GALNTL5: variants seen among roughly 807,000 people sequenced by gnomAD.
GALNTL5 encodes polypeptide N-acetylgalactosaminyltransferase like 5, also known as inactive polypeptide N-acetylgalactosaminyltransferase-like protein 5.
Under a neutral mutation model 51.0 loss-of-function variants are expected in GALNTL5, and 44 were observed. The ratio of observed to expected loss-of-function variants is 0.86; its 90% CI spans 0.68 to 1.11. The LOEUF (loss-of-function observed/expected upper bound fraction) is 1.11. Among genes scored for constraint, GALNTL5 ranks in the 50% least tolerant of loss-of-function variants. The probability of loss-of-function intolerance (pLI) is 0.00; values close to 1 mark genes in which losing one functional copy is unlikely to be tolerated. For missense variants in GALNTL5, 528 were observed against 531.8 expected (o/e 0.99, Z 0.07); for synonymous variants, 192 against 182.8 (o/e 1.05, Z -0.41).
At chr7:152,006,525 T>A (rs944754288) in intron 6 of GALNTL5, among the ~76,000 whole-genome samples, 1 of 152,162 alleles carries the variant, frequency 6.6e-6, no homozygotes, top group Non-Finnish European at 1.5e-5. Context: ...ACCCGACCCA[T>A]AAGCAAATCT....
intron 1 of GALNTL5, among the ~76,000 whole-genome samples, chr7:151,958,718 G>A (rs1024993702): frequency 5.3e-5 from 8 of 152,226 alleles, no homozygotes; most frequent in African/African-American, 1.9e-4. Flanking sequence ...GAAGGTTACA[G>A]TGTTACAGCT....
At chr7:152,005,694 G>A (rs1451565449) in intron 6 of GALNTL5, among the ~76,000 whole-genome samples, 2 of 152,038 alleles carry the variant, frequency 1.3e-5, no homozygotes, top group Admixed American at 1.3e-4. Flanking sequence ...TGAGACCCAG[G>A]GGGAAAAAGC....
At chr7:151,961,991 T>G (rs1276829930) in intron 1 of GALNTL5, among the ~76,000 whole-genome samples, 2 of 147,084 alleles carry the variant, frequency 1.4e-5, no homozygotes, top group Non-Finnish European at 3.0e-5. Context: ...CTGTTTCTTA[T>G]GATAGTTACC....
In GALNTL5 at chr7:152,014,693, G is replaced by A; in HGVS notation, c.1076G>A (p.Gly359Glu). ...TTTATAATCCCCTGCTCTCGAGTAGGACATATCAGTAAGAAACAAACTGGA... is the reference window on the plus strand; with the variant it reads ...TTTATAATCCCCTGCTCTCGAGTAGAACATATCAGTAAGAAACAAACTGGA... ...QLFIIPCSRV[G>E]HISKKQTGKP... Residue 359 changes from glycine to glutamate, a missense_variant, in exon 8 of 9, where the codon GGA (glycine) becomes GAA (glutamate). Transcript: ENST00000392800. 6.2e-7 allele frequency: 1 copy of A among 1,613,942 alleles called. No individual in the cohort carries two copies. The highest frequency in any genetic ancestry group is 8.5e-7 in the Non-Finnish European group (1 of 1,179,926).
At chr7:151,957,147 A>G (rs77389650) in intron 1 of GALNTL5, among the ~76,000 whole-genome samples, 2 of 94,292 alleles carry the variant, frequency 2.1e-5, no homozygotes, top group African/African-American at 4.8e-5. Context: ...CTCGAGAAAA[A>G]AAAAAAAAAA....
Position 151,972,906 on chromosome 7 carries a change from C to G in GALNTL5, c.368+1841C>G, listed in dbSNP as rs561660044. On this transcript the variant is annotated intron_variant, in intron 3 of 8. Coordinates refer to ENST00000392800, the MANE Select transcript of GALNTL5 (RefSeq NM_145292.4). Reference sequence around the variant, plus strand: ...GGGATAGAGACACCAAACCTAGTCCCCACTGGGGCAATACCTAGTGGAGCT... The same window carrying G: ...GGGATAGAGACACCAAACCTAGTCCGCACTGGGGCAATACCTAGTGGAGCT... Among the ~76,000 whole-genome samples the G allele has an allele frequency of 2.6e-5, 4 of 152,296 alleles. No homozygotes were observed. The South Asian group carries it at 8.3e-4, about 32-fold the overall frequency.
intron 6 of GALNTL5, among the ~76,000 whole-genome samples, chr7:152,006,860 C>T (rs566563594): frequency 6.6e-6 from 1 of 152,076 alleles, no homozygotes; most frequent in South Asian, 2.1e-4. Context: ...TGCAGCCTCC[C>T]AGGTTCAAGC....
intron 7 of GALNTL5, among the ~76,000 whole-genome samples, chr7:152,011,242 G>A (rs2081734458): frequency 6.6e-6 from 1 of 152,232 alleles, no homozygotes. Flanking sequence ...AGCCTCCAAT[G>A]CTCTGAATTT....
chr7:152,018,658 C>T (rs1445249709), intron 8 of GALNTL5, among the ~76,000 whole-genome samples: 1 of 152,072 alleles, frequency 6.6e-6, no homozygotes, highest in South Asian at 2.1e-4. Flanking sequence ...GGGCTTTGGA[C>T]AGGAAGATGT....
chr7:151,978,861 C>CT (rs1374738050), intron 3 of GALNTL5, among the ~76,000 whole-genome samples: 1 of 152,098 alleles, frequency 6.6e-6, no homozygotes, highest in Non-Finnish European at 1.5e-5. Flanking sequence ...GGATTAGGGC[C>CT]TACCCTAATG....
intron 3 of GALNTL5, among the ~76,000 whole-genome samples, chr7:151,981,982 A>T (rs1181912706): frequency 6.6e-6 from 1 of 151,824 alleles, no homozygotes; most frequent in East Asian, 1.9e-4. Context: ...TAGCTCCAGC[A>T]GATTTCTTTA....
In GALNTL5 at chr7:151,967,219, A is replaced by G. The variant is rs775775961; in HGVS notation, c.-28A>G. The G allele has an allele frequency of 3.1e-6, 5 of 1,597,508 alleles. No individual in the cohort carries two copies. In the South Asian group the frequency reaches 4.5e-5, roughly 14 times the overall value. On this transcript the variant is annotated 5_prime_UTR_variant, in exon 2 of 9. It removes an upstream start codon present in the reference 5' UTR. Transcript: ENST00000392800. ...TCATTCTGATTTAGGAAATTGAAAAATGGACCTTTGAAAATGCTAGATTTA... is the reference window on the plus strand; with the variant it reads ...TCATTCTGATTTAGGAAATTGAAAAGTGGACCTTTGAAAATGCTAGATTTA...
chr7:152,014,520 G>T, intron 7 of GALNTL5, 124 bp from the exon 8 acceptor site: 1 of 863,116 alleles, frequency 1.2e-6, no homozygotes, highest in Non-Finnish European at 1.7e-6. Context: ...TGACTGCCTT[G>T]GCCTCCCAAA....
At chr7:151,974,976 C>G (rs985149309) in intron 3 of GALNTL5, among the ~76,000 whole-genome samples, 2 of 152,166 alleles carry the variant, frequency 1.3e-5, no homozygotes, top group African/African-American at 4.8e-5. Context: ...GAGCAACTAC[C>G]ACTATCTGGA....
intron 5 of GALNTL5, among the ~76,000 whole-genome samples, chr7:152,001,448 G>A (rs561667206): frequency 3.3e-5 from 5 of 152,180 alleles, no homozygotes; most frequent in Non-Finnish European, 7.4e-5. Flanking sequence ...ATGATATGAG[G>A]TAGGGGTCTA....
chr7:151,996,794 T>TAA (rs60393786), intron 5 of GALNTL5, among the ~76,000 whole-genome samples: 11 of 146,144 alleles, frequency 7.5e-5, no homozygotes, highest in African/African-American at 1.8e-4. Context: ...AACGTGTAGG[T>TAA]AAAAAAAAAA....
chr7:151,993,122 T>C (rs535285266), intron 5 of GALNTL5, among the ~76,000 whole-genome samples: 1 of 151,838 alleles, frequency 6.6e-6, no homozygotes, highest in African/African-American at 2.4e-5. Context: ...CATCCATAGC[T>C]ACTCAGGAGG....
intron 1 of GALNTL5, among the ~76,000 whole-genome samples, chr7:151,963,050 A>G (rs2081012149): frequency 6.6e-6 from 1 of 152,248 alleles, no homozygotes; most frequent in Admixed American, 6.5e-5. Flanking sequence ...AAGCTTGATT[A>G]AATTTTGACT....
rs141472731 is a variant in GALNTL5 at position 152,002,781 on chromosome 7, T to A, written c.726T>A (p.His242Gln). The A allele has an allele frequency of 3.5e-4, 568 of 1,614,112 alleles. 1 individual carries two copies. The highest frequency in any genetic ancestry group is 4.4e-5 in the Non-Finnish European group (52 of 1,179,950). ...GAGTATGGCTGGAGCCCCTGCTGCA[T>A]GCCATTGCCAAGGACCCCAAAATGG... is the stretch of plus-strand genomic sequence containing the variant. Reference protein sequence around the residue: ...VNRVWLEPLLHAIAKDPKMVV... With the variant: ...VNRVWLEPLLQAIAKDPKMVV... Residue 242 changes from histidine to glutamine, a missense_variant, in exon 6 of 9, where the codon CAT becomes CAA. Physicochemically the swap from His to Gln is conservative, Grantham distance 24 (BLOSUM62 0). Transcript: ENST00000392800.
Sources: allele counts gnomAD v4.1 joint callset (sites outside exome capture counted in the v4.1 genomes callset), GRCh38; gene constraint gnomAD v4.1.1; transcripts MANE v1.5; gene names NCBI Gene and HGNC (gene_info 2026-07-23, HGNC 2026-07-21).